TIAM2: variants seen among roughly 807,000 people sequenced by gnomAD.
The protein encoded by TIAM2 is rho guanine nucleotide exchange factor TIAM2.
In TIAM2, 80 loss-of-function variants were observed where a neutral mutation model predicts 152.9. The ratio of observed to expected loss-of-function variants is 0.52; its 90% CI spans 0.44 to 0.63. TIAM2 has a LOEUF of 0.63. Among genes scored for constraint, TIAM2 ranks in the 30% least tolerant of loss-of-function variants. The probability of loss-of-function intolerance (pLI) is 0.00; values close to 1 mark genes in which losing one functional copy is unlikely to be tolerated. For missense variants in TIAM2, 1,965 were observed against 2,120.1 expected, an observed-to-expected ratio of 0.93 and a Z score of 1.44; for synonymous variants, 804 against 838.0, an observed-to-expected ratio of 0.96 and a Z score of 0.70.
At chr6:155,016,045 T>C (rs910193934) in intron 1 of TIAM2, among the ~76,000 whole-genome samples, 1 of 150,962 alleles carries the variant, frequency 6.6e-6, no homozygotes, top group African/African-American at 2.4e-5. Flanking sequence ...GCAACAATAC[T>C]TGCTGGCAGG....
intron 14 of TIAM2, among the ~76,000 whole-genome samples, chr6:155,208,670 CCT>C (rs1781647291): frequency 6.6e-6 from 1 of 152,186 alleles, no homozygotes; most frequent in South Asian, 2.1e-4. Context: ...TCCCTCGATG[CCT>C]CTCTTTTCTG....
chr6:155,112,994 T>C (rs879514570), intron 2 of TIAM2, among the ~76,000 whole-genome samples: 1 of 150,876 alleles, frequency 6.6e-6, no homozygotes, highest in Admixed American at 6.6e-5. Flanking sequence ...TCGCTGACAA[T>C]CCATATCCAC....
At chr6:155,107,081 A>C (rs561258465) in intron 2 of TIAM2, among the ~76,000 whole-genome samples, 23 of 152,304 alleles carry the variant, frequency 1.5e-4, no homozygotes, top group Non-Finnish European at 4.4e-5. Context: ...GTGGATGTGT[A>C]TATAGACTCT....
At chr6:155,038,953 CTTTTTT>C (rs33971396) in intron 1 of TIAM2, among the ~76,000 whole-genome samples, 1 of 64,146 alleles carries the variant, frequency 1.6e-5, no homozygotes, top group Non-Finnish European at 2.7e-5. Flanking sequence ...TGAGCATGTC[CTTTTTT>C]TTTTTTTTTT....
intron 1 of TIAM2, among the ~76,000 whole-genome samples, chr6:155,081,218 T>C (rs1421682753): frequency 2.0e-5 from 3 of 152,150 alleles, no homozygotes; most frequent in African/African-American, 7.2e-5. Flanking sequence ...TCTGCTTAAG[T>C]CCAGGGATTC....
chr6:155,047,650 G>A (rs1387321925), intron 1 of TIAM2, among the ~76,000 whole-genome samples: 3 of 143,832 alleles, frequency 2.1e-5, no homozygotes, highest in Non-Finnish European at 3.0e-5. Flanking sequence ...AGGGGTGGGG[G>A]GAGAGAGAGA....
chr6:155,187,573 C>CTTTTTTTT lies in TIAM2; in HGVS notation c.3064+4089_3064+4096dup, dbSNP rs59818801. ...AACCCCCCCTCCCCCACCCCGCCCC[C>CTTTTTTTT]TTTTTTTTTTTTTTTTTTTTTTTGA... On this transcript the variant is annotated intron_variant, in intron 14 of 26. Coordinates refer to ENST00000682666, the MANE Select transcript of TIAM2 (RefSeq NM_012454.4). Among the ~76,000 whole-genome samples, 76 of 49,618 alleles carry CTTTTTTTT rather than the reference C, an allele frequency of 1.5e-3. 4 individuals are homozygous for CTTTTTTTT. The highest frequency in any genetic ancestry group is 6.5e-3 in the East Asian group (10 of 1,528). The allele number at this position is 49,618 out of a possible 152,430, so 32.6% of individuals were successfully genotyped here.
intron 10 of TIAM2, among the ~76,000 whole-genome samples, chr6:155,178,095 A>G (rs2115132888): frequency 6.8e-6 from 1 of 146,720 alleles, no homozygotes; most frequent in Middle Eastern, 3.6e-3. Context: ...TGGGAGGTGG[A>G]GCTTGCCTTA....
At position 155,111,305 on chromosome 6, in the gene TIAM2, A is replaced by ACACG. The variant is rs1350768134; in HGVS notation, c.-117-16182_-117-16181insGCAC. Among the ~76,000 whole-genome samples the ACACG allele has an allele frequency of 4.8e-4, 38 of 79,856 alleles. No homozygotes were observed. In the East Asian group the frequency reaches 0.011, roughly 23 times the overall value. 52.4% of individuals were successfully genotyped at this position (79,856 alleles called of 152,430 possible). A position where few individuals can be genotyped will look rare whatever the true frequency, so the allele number is the denominator to read the frequency against. ...GTCCATATATTCTTGGAATACACAC[A>ACACG]CACACACACACACACACACACACAC... On this transcript the variant is annotated intron_variant, in intron 2 of 26. Transcript: ENST00000682666.
chr6:155,100,890 G>A lies in TIAM2; in HGVS notation c.-118+10511G>A, dbSNP rs1217512410. Reference sequence around the variant, plus strand: ...AGAGAAATTAAATGATGTGTCCAGTGTCATACAGTGGGATCTGATGTCACG... The same window carrying A: ...AGAGAAATTAAATGATGTGTCCAGTATCATACAGTGGGATCTGATGTCACG... On this transcript the variant is annotated intron_variant, in intron 2 of 26. Transcript: ENST00000682666. Among the ~76,000 whole-genome samples, 5 of 152,208 alleles carry A rather than the reference G, an allele frequency of 3.3e-5. No homozygotes were observed. In the East Asian group the frequency reaches 9.6e-4, roughly 29 times the overall value.
chr6:155,098,219 T>C (rs78890983), intron 2 of TIAM2, among the ~76,000 whole-genome samples: 4 of 152,156 alleles, frequency 2.6e-5, no homozygotes, highest in African/African-American at 9.7e-5. Context: ...AGGAATGTCA[T>C]TGGTATTTTG....
chr6:155,020,489 T>C (rs1232057196), intron 1 of TIAM2, among the ~76,000 whole-genome samples: 2 of 152,208 alleles, frequency 1.3e-5, no homozygotes, highest in East Asian at 3.9e-4. Flanking sequence ...TGTGATGGAG[T>C]CTTGCTCTGT....
At position 155,029,493 on chromosome 6, in the gene TIAM2, T is replaced by TA. The variant is rs1418887331; in HGVS notation, c.-209+34002dup. Among the ~76,000 whole-genome samples, 24 of 24,264 alleles carry TA rather than the reference T, an allele frequency of 9.9e-4. 1 individual carries two copies. The highest frequency in any genetic ancestry group is 4.1e-3 in the African/African-American group (22 of 5,346). The allele number at this position is 24,264 out of a possible 152,430, so 15.9% of individuals were successfully genotyped here. A position where few individuals can be genotyped will look rare whatever the true frequency, so the allele number is the denominator to read the frequency against. On this transcript the variant is annotated intron_variant, in intron 1 of 26. Transcript: ENST00000682666. Reference sequence around the variant, plus strand: ...ATACTATAGTATATATACTATAGTATATATTATATATAATATATACTATAT... The same window carrying TA: ...ATACTATAGTATATATACTATAGTATAATATTATATATAATATATACTATAT...
At chr6:155,002,133 G>A (rs1292031350) in intron 1 of TIAM2, among the ~76,000 whole-genome samples, 1 of 152,198 alleles carries the variant, frequency 6.6e-6, no homozygotes, top group African/African-American at 2.4e-5. Flanking sequence ...ATACAGCTGG[G>A]TGTAGTGGCT....
rs1328937592 is a variant in TIAM2 at position 155,218,864 on chromosome 6, G to A, written c.3168+7557G>A. Among the ~76,000 whole-genome samples the A allele has an allele frequency of 1.0e-4, 15 of 149,882 alleles. No homozygotes were observed. The highest frequency in any genetic ancestry group is 9.3e-4 in the Admixed American group (14 of 15,058). On this transcript the variant is annotated intron_variant, in intron 15 of 26. Transcript: ENST00000682666. The surrounding 1 kb of genome is among the most constrained non-coding windows in gnomAD (Gnocchi z 4.5). ...ACCCGTGTTCTCGACCATCTCAGCC[G>A]CCCACCCGTGTTCTTGACCATCTCA...
intron 9 of TIAM2, among the ~76,000 whole-genome samples, chr6:155,169,985 A>C (rs1404803535): frequency 1.3e-5 from 2 of 151,914 alleles, no homozygotes; most frequent in African/African-American, 4.8e-5. Flanking sequence ...AGGCTGGCTA[A>C]TTTTTGTATT....
chr6:155,224,245 A>C (rs992246138), intron 15 of TIAM2, among the ~76,000 whole-genome samples: 2 of 152,222 alleles, frequency 1.3e-5, no homozygotes, highest in Non-Finnish European at 2.9e-5. Context: ...TTCCGGCTCC[A>C]CAGTGGTGGC....
chr6:155,159,691 G>T (rs528369966), intron 7 of TIAM2, among the ~76,000 whole-genome samples: 1 of 152,152 alleles, frequency 6.6e-6, no homozygotes, highest in African/African-American at 2.4e-5. Flanking sequence ...CTGAATCAGG[G>T]GCCTCACCGT....
At chr6:155,124,480 A>G (rs6933248) in intron 2 of TIAM2, among the ~76,000 whole-genome samples, 115,338 of 152,090 alleles carry the variant, frequency 0.76, 44,215 homozygotes, top group African/African-American at 0.88. Context: ...ACAGGCATGC[A>G]CCACCATGCC....
Sources: allele counts gnomAD v4.1 joint callset (sites outside exome capture counted in the v4.1 genomes callset), GRCh38; gene constraint gnomAD v4.1.1; non-coding constraint Gnocchi (gnomAD v3.1); transcripts MANE v1.5; gene names NCBI Gene and HGNC (gene_info 2026-07-23, HGNC 2026-07-21).